STIM1: variants seen among roughly 807,000 people sequenced by gnomAD.
STIM1 encodes stromal interaction molecule 1.
A neutral mutation model predicts 74.7 loss-of-function variants in STIM1; 25 were observed. The ratio of observed to expected loss-of-function variants is 0.33; its 90% CI spans 0.24 to 0.47. The LOEUF (loss-of-function observed/expected upper bound fraction) is 0.47, where lower values mean the gene tolerates loss of function less well. Ranked by LOEUF, STIM1 falls within the 20% of genes least tolerant of loss-of-function variation. The pLI, the probability that STIM1 is intolerant of heterozygous loss-of-function variation, is 1.00. For missense variants in STIM1, 728 were observed against 920.8 expected, an observed-to-expected ratio of 0.79 and a Z score of 2.71; for synonymous variants, 328 against 348.8, an observed-to-expected ratio of 0.94 and a Z score of 0.66.
chr11:3,862,647 T>C (rs1333910486), intron 1 of STIM1, among the ~76,000 whole-genome samples: 2 of 151,966 alleles, frequency 1.3e-5, no homozygotes, highest in East Asian at 1.9e-4. Context: ...AGGGTTTCAC[T>C]GTGTTAGCCA....
rs1414966705 is a variant in STIM1, at chr11:4,049,751, CACACACACACACAT to C, written c.386-5774_386-5761del. ...ACACACACACACACACACACACACACACACACACACACATGCTTAGAACGTGAATGATGGAGCCA... is the reference window on the plus strand; with the variant it reads ...ACACACACACACACACACACACACACGCTTAGAACGTGAATGATGGAGCCA... On this transcript the variant is annotated intron_variant, in intron 3 of 12. Coordinates refer to ENST00000526596, the MANE Select transcript of STIM1 (RefSeq NM_001382567.1). 149 of 148,738 alleles carry C rather than the reference CACACACACACACAT, an allele frequency of 1.0e-3. 3 individuals are homozygous for C. Among genetic ancestry groups the C allele is most frequent in the South Asian group, 7.4e-3 (32 of 4,310 alleles). The allele number at this position is 148,738 out of a possible 1,614,324, so 9.2% of individuals were successfully genotyped here. A position where few individuals can be genotyped will look rare whatever the true frequency, so the allele number is the denominator to read the frequency against.
At chr11:4,030,531 TA>T (rs915648883) in intron 3 of STIM1, among the ~76,000 whole-genome samples, 8 of 152,242 alleles carry the variant, frequency 5.3e-5, no homozygotes, top group African/African-American at 1.9e-4. Flanking sequence ...TTTTAGTCAT[TA>T]AAAAAATTAT....
intron 12 of STIM1, chr11:4,086,749 C>T (rs2094496167): frequency 6.5e-7 from 1 of 1,537,506 alleles, no homozygotes. Context: ...CGTCCATGTC[C>T]ACCCTGTTTA....
intron 1 of STIM1, among the ~76,000 whole-genome samples, chr11:3,941,669 T>TAGAG (rs1233313065): frequency 0.013 from 1,143 of 86,324 alleles, 13 homozygotes; most frequent in African/African-American, 0.05. Context: ...TATATATATA[T>TAGAG]ATATAGAGAG....
At chr11:3,984,243 A>G (rs921307748) in intron 2 of STIM1, among the ~76,000 whole-genome samples, 2 of 152,132 alleles carry the variant, frequency 1.3e-5, no homozygotes, top group African/African-American at 4.8e-5. Flanking sequence ...ATTTTTTGCT[A>G]CAGTAATTCT....
At chr11:3,921,926 A>G (rs569390457) in intron 1 of STIM1, 3 of 152,310 alleles carry the variant, frequency 2.0e-5, no homozygotes, top group Admixed American at 6.5e-5. Context: ...GTGAGCCACC[A>G]TGAAAGCAAA....
At chr11:3,877,243 CATT>C (rs147307800) in intron 1 of STIM1, among the ~76,000 whole-genome samples, 11 of 150,106 alleles carry the variant, frequency 7.3e-5, no homozygotes, top group African/African-American at 1.2e-4. Flanking sequence ...TACAGAACAA[CATT>C]ATTATTATTA....
At chr11:3,895,803 CCTTT>C (rs1554954446) in intron 1 of STIM1, among the ~76,000 whole-genome samples, 1 of 44,518 alleles carries the variant, frequency 2.2e-5, no homozygotes, top group Admixed American at 2.6e-4. Context: ...TTCCTTCCTT[CCTTT>C]CTTTCCTTCC....
At chr11:3,983,203 G>T (rs1299963017) in intron 2 of STIM1, among the ~76,000 whole-genome samples, 1 of 152,124 alleles carries the variant, frequency 6.6e-6, no homozygotes, top group Non-Finnish European at 1.5e-5. Flanking sequence ...CAAAGTGTTG[G>T]GATTACAAGT....
chr11:4,086,310 C>A (rs1195487647), intron 11 of STIM1, 167 bp from the exon 12 acceptor site: 3 of 716,748 alleles, frequency 4.2e-6, no homozygotes, highest in Non-Finnish European at 6.9e-6. Flanking sequence ...ATTTCCCATC[C>A]TTTTAGGACC....
intron 1 of STIM1, among the ~76,000 whole-genome samples, chr11:3,867,782 C>CA (rs2090913962): frequency 6.6e-6 from 1 of 152,202 alleles, no homozygotes; most frequent in African/African-American, 2.4e-5. Context: ...TGGCCATATA[C>CA]ACAGAGCCCC....
At position 3,932,666 on chromosome 11, in the gene STIM1, GAAAAAAAA is replaced by G. The variant is rs57059104; in HGVS notation, c.140-34873_140-34866del. Among the ~76,000 whole-genome samples the G allele has an allele frequency of 6.2e-3, 539 of 86,968 alleles. 3 individuals carry two copies. The highest frequency in any genetic ancestry group is 0.022 in the African/African-American group (507 of 22,724). The allele number at this position is 86,968 out of a possible 152,430, so 57.1% of individuals were successfully genotyped here. ...AAGAGTGCAAGACTCTGTCTCAAAGGAAAAAAAAAAAAAAAAAAAAGAAAAGAAAAGAG... is the reference window on the plus strand; with the variant it reads ...AAGAGTGCAAGACTCTGTCTCAAAGGAAAAAAAAAAAAGAAAAGAAAAGAG... On this transcript the variant is annotated intron_variant, in intron 1 of 12. Coordinates refer to ENST00000526596, the MANE Select transcript of STIM1 (RefSeq NM_001382567.1).
intron 3 of STIM1, among the ~76,000 whole-genome samples, chr11:4,038,224 G>A (rs2094119865): frequency 6.6e-6 from 1 of 151,874 alleles, no homozygotes; most frequent in African/African-American, 2.4e-5. Context: ...TAATAGAGAT[G>A]GGGTTTTGCC....
intron 2 of STIM1, among the ~76,000 whole-genome samples, chr11:3,981,613 C>A (rs2093506023): frequency 6.6e-6 from 1 of 152,098 alleles, no homozygotes; most frequent in Non-Finnish European, 1.5e-5. Context: ...TTGTGAGTTC[C>A]CTGTCAGGAT....
rs1003081383 is a variant in STIM1 at position 3,923,115 on chromosome 11, A to G, written c.140-44437A>G. ...ACTCCGTCTCAAAAAAAAAAAAAAA[A>G]CAAACACTCTTTGCCTATTCCAAGT... On this transcript the variant is annotated intron_variant, in intron 1 of 12. Coordinates refer to ENST00000526596, the MANE Select transcript of STIM1 (RefSeq NM_001382567.1). Among the ~76,000 whole-genome samples the G allele has an allele frequency of 5.4e-5, 8 of 146,804 alleles. No homozygotes were observed. In the East Asian group the frequency reaches 6.1e-4, roughly 11 times the overall value.
intron 2 of STIM1, among the ~76,000 whole-genome samples, chr11:4,010,735 T>C (rs904647288): frequency 6.6e-6 from 1 of 151,980 alleles, no homozygotes; most frequent in African/African-American, 2.4e-5. Flanking sequence ...TTTATTATTA[T>C]ATATTTTAAG....
intron 1 of STIM1, among the ~76,000 whole-genome samples, chr11:3,937,163 C>T (rs1311406061): frequency 6.6e-6 from 1 of 151,830 alleles, no homozygotes; most frequent in Non-Finnish European, 1.5e-5. Context: ...TGATGGCATG[C>T]ATCTGTAGTC....
chr11:4,003,744 T>G (rs1330475196), intron 2 of STIM1, among the ~76,000 whole-genome samples: 1 of 152,120 alleles, frequency 6.6e-6, no homozygotes, highest in Non-Finnish European at 1.5e-5. Flanking sequence ...CCAGGGCAAC[T>G]AGGCAGAAGA....
At chr11:3,977,676 C>T (rs1590617634) in intron 2 of STIM1, among the ~76,000 whole-genome samples, 1 of 152,182 alleles carries the variant, frequency 6.6e-6, no homozygotes, top group South Asian at 2.1e-4. Flanking sequence ...TATTTTGATG[C>T]AAACAAGCCT....
Sources: allele counts gnomAD v4.1 joint callset (sites outside exome capture counted in the v4.1 genomes callset), GRCh38; gene constraint gnomAD v4.1.1; transcripts MANE v1.5; gene names NCBI Gene and HGNC (gene_info 2026-07-23, HGNC 2026-07-21).